ENOX2: variants seen among roughly 807,000 people sequenced by gnomAD.
ENOX2 encodes the protein ecto-NOX disulfide-thiol exchanger 2.
A neutral mutation model predicts 45.0 loss-of-function variants in ENOX2; 36 were observed. The ratio of observed to expected loss-of-function variants is 0.80; its 90% CI spans 0.61 to 1.06. The LOEUF is 1.06. Ranked by LOEUF, ENOX2 falls within the 50% of genes least tolerant of loss-of-function variation. The pLI is 0.00. For missense variants in ENOX2, 423 were observed against 462.5 expected, an observed-to-expected ratio of 0.91 and a Z score of 0.78; for synonymous variants, 174 against 152.3, an observed-to-expected ratio of 1.14 and a Z score of -1.05.
intron 14 of ENOX2, 101 bp downstream of exon 14, chrX:130,627,857 A>C: frequency 1.8e-6 from 1 of 566,498 alleles, no homozygotes. Flanking sequence ...AACTTCCTGA[A>C]AGCAGTAACT....
chrX:130,889,694 T>C (rs2078957389), intron 2 of ENOX2, among the ~76,000 whole-genome samples: 1 of 111,940 alleles, frequency 8.9e-6, no homozygotes, highest in Non-Finnish European at 1.9e-5. Flanking sequence ...CCTACTATAA[T>C]AAAAAGTGCT....
intron 3 of ENOX2, among the ~76,000 whole-genome samples, chrX:130,760,135 T>C (rs1029475450): frequency 2.7e-5 from 3 of 112,086 alleles, no homozygotes; most frequent in Admixed American, 9.4e-5. Context: ...ATACAATTGA[T>C]TTTTGTATGC....
At chrX:130,764,127 C>T (rs1184599314) in intron 3 of ENOX2, among the ~76,000 whole-genome samples, 1 of 110,788 alleles carries the variant, frequency 9.0e-6, no homozygotes, top group Non-Finnish European at 1.9e-5. Context: ...AGGAATGTCA[C>T]GCCTCAAGTT....
At chrX:130,753,124 T>G (rs1456128708) in intron 3 of ENOX2, among the ~76,000 whole-genome samples, 5 of 111,256 alleles carry the variant, frequency 4.5e-5, no homozygotes, top group South Asian at 3.8e-4. Flanking sequence ...CTTCTTGACT[T>G]TCTTTCTCAC....
In ENOX2 at chrX:130,622,563, C is replaced by T. The variant is rs1445848158; in HGVS notation, c.*2751G>A. On this transcript the variant is annotated 3_prime_UTR_variant, in exon 15 of 15. Coordinates refer to ENST00000394363, the MANE Select transcript of ENOX2 (RefSeq NM_006375.4). ...AAAATCATTTGTAAAACAAAAGAAA[C>T]CTTCCATTCATTATTATATTGAAGA... Among the ~76,000 whole-genome samples, 1 of 111,596 alleles carries T rather than the reference C, an allele frequency of 9.0e-6. No homozygotes were observed. The highest frequency in any genetic ancestry group is 1.9e-5 in the Non-Finnish European group (1 of 53,159).
intron 10 of ENOX2, among the ~76,000 whole-genome samples, chrX:130,655,785 C>T (rs2036531753): frequency 9.0e-6 from 1 of 111,630 alleles, no homozygotes. Context: ...CAGGCATGCA[C>T]TACCACACCC....
At chrX:130,721,071 G>A (rs905102787) in intron 3 of ENOX2, among the ~76,000 whole-genome samples, 5 of 111,837 alleles carry the variant, frequency 4.5e-5, no homozygotes, top group African/African-American at 1.3e-4. Flanking sequence ...GACAGATGTC[G>A]TTAAAGGGAA....
chrX:130,813,197 T>C (rs2077421588), intron 2 of ENOX2, among the ~76,000 whole-genome samples: 1 of 111,933 alleles, frequency 8.9e-6, no homozygotes, highest in African/African-American at 3.3e-5. Context: ...CATATACCAA[T>C]GGAACAAAAT....
chrX:130,713,292 G>A (rs756638213), intron 3 of ENOX2, among the ~76,000 whole-genome samples: 43 of 111,450 alleles, frequency 3.9e-4, no homozygotes, highest in Admixed American at 3.0e-3. Context: ...GGGGATCTTT[G>A]AGCTGCGGCC....
intron 3 of ENOX2, among the ~76,000 whole-genome samples, chrX:130,765,871 G>A (rs993563740): frequency 9.0e-6 from 1 of 111,101 alleles, no homozygotes; most frequent in Admixed American, 9.6e-5. Flanking sequence ...TACATTTCTG[G>A]GCTTTTTATT....
chrX:130,818,250 G>C, intron 2 of ENOX2, among the ~76,000 whole-genome samples: 3 of 111,285 alleles, frequency 2.7e-5, no homozygotes, highest in Non-Finnish European at 5.7e-5. Flanking sequence ...AAATAAGAGA[G>C]GACATAAAGA....
chrX:130,815,034 C>G (rs2077457525), intron 2 of ENOX2, among the ~76,000 whole-genome samples: 1 of 111,102 alleles, frequency 9.0e-6, no homozygotes, highest in Admixed American at 9.6e-5. Flanking sequence ...CTAGAATAAC[C>G]AGTTTAGAGA....
chrX:130,772,483 G>A (rs778916807), intron 3 of ENOX2, among the ~76,000 whole-genome samples: 2 of 111,759 alleles, frequency 1.8e-5, no homozygotes, highest in Admixed American at 9.5e-5. Flanking sequence ...ATCTGAAAAC[G>A]GTATGTAGTT....
intron 4 of ENOX2, among the ~76,000 whole-genome samples, chrX:130,701,960 C>A (rs1215829843): frequency 9.0e-6 from 1 of 111,684 alleles, no homozygotes; most frequent in African/African-American, 3.3e-5. Flanking sequence ...AATTTAGACT[C>A]CTTTTTTTTC....
At chrX:130,847,616 A>C (rs2078132337) in intron 2 of ENOX2, among the ~76,000 whole-genome samples, 2 of 112,228 alleles carry the variant, frequency 1.8e-5, no homozygotes, top group South Asian at 3.7e-4. Flanking sequence ...CATAAAGAAG[A>C]ATCTATGTAC....
intron 2 of ENOX2, among the ~76,000 whole-genome samples, chrX:130,812,633 G>A (rs768897448): frequency 8.9e-6 from 1 of 111,963 alleles, no homozygotes; most frequent in Non-Finnish European, 1.9e-5. Flanking sequence ...TAATTACCAT[G>A]AATGTAAATG....
intron 5 of ENOX2, among the ~76,000 whole-genome samples, chrX:130,681,484 T>C (rs1302840352): frequency 8.9e-6 from 1 of 111,801 alleles, no homozygotes; most frequent in African/African-American, 3.3e-5. Flanking sequence ...AAATCTCTGA[T>C]ATTACAGAGG....
At chrX:130,755,278 T>C (rs2039327679) in intron 3 of ENOX2, among the ~76,000 whole-genome samples, 1 of 108,200 alleles carries the variant, frequency 9.2e-6, no homozygotes, top group African/African-American at 3.4e-5. Flanking sequence ...TATAAGGTTG[T>C]TATCAGAAGT....
At chrX:130,738,103 C>A (rs1248245821) in intron 3 of ENOX2, among the ~76,000 whole-genome samples, 1 of 112,098 alleles carries the variant, frequency 8.9e-6, no homozygotes, top group African/African-American at 3.2e-5. Context: ...TATATCCCAC[C>A]ATGCCATCCA....
Sources: gnomAD v4.1 joint callset for allele counts (sites outside exome capture counted in the v4.1 genomes callset) on GRCh38, gnomAD v4.1.1 for gene constraint, MANE v1.5 for transcripts, NCBI Gene and HGNC (gene_info 2026-07-23, HGNC 2026-07-21) for gene names.